Variants in MYT1L observed in about 807,000 individuals in gnomAD.
MYT1L encodes the protein myelin transcription factor 1 like.
A neutral mutation model predicts 126.7 loss-of-function variants in MYT1L; 12 were observed. That is an observed-to-expected ratio of 0.09 (90% CI 0.06 to 0.15). MYT1L has a LOEUF of 0.15. Ranked by LOEUF, MYT1L falls within the 10% of genes least tolerant of loss-of-function variation. MYT1L has a pLI of 1.00. For synonymous variants in MYT1L, 541 were observed against 604.2 expected (o/e 0.90, Z 1.53); for missense variants, 979 against 1,585.2 (o/e 0.62, Z 6.49).
At chr2:2,256,046 C>T (rs1020545612) in intron 2 of MYT1L, among the ~76,000 whole-genome samples, 13 of 152,180 alleles carry the variant, frequency 8.5e-5, no homozygotes, top group African/African-American at 3.1e-4. Context: ...AAGAGAAGGT[C>T]CACCTGACCT....
chr2:2,249,055 T>C (rs1056201650), intron 2 of MYT1L, among the ~76,000 whole-genome samples: 1 of 152,026 alleles, frequency 6.6e-6, no homozygotes, highest in African/African-American at 2.4e-5. Context: ...GGCATTCAAA[T>C]TGGAAAGGAA....
intron 5 of MYT1L, among the ~76,000 whole-genome samples, chr2:1,989,930 G>A (rs2061344200): frequency 1.3e-5 from 2 of 152,138 alleles, no homozygotes; most frequent in Non-Finnish European, 2.9e-5. Context: ...CCTGGGAGGC[G>A]GGGGTTGCAG....
At chr2:1,924,381 A>AT (rs1220404684) in intron 9 of MYT1L, among the ~76,000 whole-genome samples, 3 of 152,206 alleles carry the variant, frequency 2.0e-5, no homozygotes, top group Non-Finnish European at 4.4e-5. Context: ...GGTTAACTGC[A>AT]TGCCATTTTC....
intron 4 of MYT1L, among the ~76,000 whole-genome samples, chr2:2,036,556 AG>A (rs1221962708): frequency 1.3e-5 from 2 of 152,216 alleles, no homozygotes; most frequent in Non-Finnish European, 2.9e-5. Flanking sequence ...CCATCCACAC[AG>A]CTCCTCATGG....
chr2:1,984,499 G>T (rs951752691), intron 5 of MYT1L, among the ~76,000 whole-genome samples: 1 of 143,188 alleles, frequency 7.0e-6, no homozygotes, highest in African/African-American at 2.7e-5. Context: ...ACCTGGCCAA[G>T]AACTAATTTT....
intron 1 of MYT1L, among the ~76,000 whole-genome samples, chr2:2,305,623 A>G (rs777288293): frequency 6.6e-6 from 1 of 152,192 alleles, no homozygotes; most frequent in Non-Finnish European, 1.5e-5. Flanking sequence ...TGGGAAATTT[A>G]TAAAGAAAAG....
intron 18 of MYT1L, among the ~76,000 whole-genome samples, chr2:1,856,048 C>A (rs746601723): frequency 6.6e-6 from 1 of 152,186 alleles, no homozygotes; most frequent in Non-Finnish European, 1.5e-5. Flanking sequence ...TTACAGCCAA[C>A]GTGCAGAATT....
intron 1 of MYT1L, among the ~76,000 whole-genome samples, chr2:2,316,737 T>C (rs1318828388): frequency 6.6e-6 from 1 of 152,236 alleles, no homozygotes; most frequent in African/African-American, 2.4e-5. Context: ...AGAAAATAAC[T>C]TAAGGGAAAG....
intron 1 of MYT1L, among the ~76,000 whole-genome samples, chr2:2,293,760 G>T (rs1461271210): frequency 4.6e-5 from 7 of 152,130 alleles, no homozygotes; most frequent in African/African-American, 1.7e-4. Flanking sequence ...TGCAAGACCG[G>T]CCCCCTCCCT....
At chr2:2,257,263 C>A (rs889911836) in intron 2 of MYT1L, among the ~76,000 whole-genome samples, 2 of 152,172 alleles carry the variant, frequency 1.3e-5, no homozygotes, top group Admixed American at 6.5e-5. Flanking sequence ...CACACAGCCC[C>A]TGCAATTTGC....
At position 1,979,733 on chromosome 2, in the gene MYT1L, T is replaced by C. The variant is rs2149491747; in HGVS notation, c.45A>G (p.Lys15=). ...TEEKRHRTRS[K]GVRVPVEPAI... ...GAAGCGCGGACATACCTCGAACCCCTTTGGACCGCGTGCGATGCCGCTTCT... is the reference window on the plus strand; with the variant it reads ...GAAGCGCGGACATACCTCGAACCCCCTTGGACCGCGTGCGATGCCGCTTCT... Residue 15 remains lysine (K), a synonymous_variant, in exon 6 of 25, where the codon AAA becomes AAG. Transcript: ENST00000647738. The surrounding 1 kb of genome is among the most constrained non-coding windows in gnomAD (Gnocchi z 4.0). 6.2e-7 allele frequency: 1 copy of C among 1,613,982 alleles called. No homozygotes were observed. The highest frequency in any genetic ancestry group is 1.1e-5 in the South Asian group (1 of 91,078).
intron 1 of MYT1L, among the ~76,000 whole-genome samples, chr2:2,300,721 A>G (rs1266497009): frequency 6.6e-6 from 1 of 152,164 alleles, no homozygotes; most frequent in Non-Finnish European, 1.5e-5. Context: ...GACGTTCTCA[A>G]ATCCACGCGA....
At chr2:1,923,556 T>A (rs571228248) in intron 9 of MYT1L, among the ~76,000 whole-genome samples, 1 of 152,388 alleles carries the variant, frequency 6.6e-6, no homozygotes, top group South Asian at 2.1e-4. Context: ...ATTAATTTTG[T>A]ATTTTTCATA....
At chr2:2,040,794 T>C (rs1018291812) in intron 4 of MYT1L, among the ~76,000 whole-genome samples, 2 of 152,174 alleles carry the variant, frequency 1.3e-5, no homozygotes, top group African/African-American at 4.8e-5. Context: ...GTAGTTTTAT[T>C]AAGTGTATTT....
At chr2:2,181,628 CAG>C (rs1297613862) in intron 2 of MYT1L, among the ~76,000 whole-genome samples, 1 of 152,146 alleles carries the variant, frequency 6.6e-6, no homozygotes, top group African/African-American at 2.4e-5. Context: ...TCATCTGTGA[CAG>C]AGTTGACCAC....
intron 11 of MYT1L, among the ~76,000 whole-genome samples, chr2:1,915,656 C>T (rs781084208): frequency 2.0e-5 from 3 of 152,194 alleles, no homozygotes; most frequent in Admixed American, 6.5e-5. Context: ...CTGGGTGTCA[C>T]ATCGTGTGTT....
At chr2:2,006,616 A>G (rs1053906738) in intron 4 of MYT1L, among the ~76,000 whole-genome samples, 1 of 152,066 alleles carries the variant, frequency 6.6e-6, no homozygotes, top group Non-Finnish European at 1.5e-5. Flanking sequence ...CACTCTGTCA[A>G]TCAGGCTGGA....
chr2:1,830,849 G>T (rs1428549990), intron 21 of MYT1L, among the ~76,000 whole-genome samples: 1 of 152,112 alleles, frequency 6.6e-6, no homozygotes, highest in African/African-American at 2.4e-5. Flanking sequence ...TCCCTCACAG[G>T]ATCCTCCAAA....
chr2:1,820,041 C>G (rs976019765), intron 21 of MYT1L, among the ~76,000 whole-genome samples: 45 of 149,938 alleles, frequency 3.0e-4, no homozygotes, highest in Admixed American at 5.3e-4. Context: ...TGGGGGGGGG[C>G]CAGCGAGGAA....
Sources: allele counts gnomAD v4.1 joint callset (sites outside exome capture counted in the v4.1 genomes callset), GRCh38; gene constraint gnomAD v4.1.1; non-coding constraint Gnocchi (gnomAD v3.1); transcripts MANE v1.5; gene names NCBI Gene and HGNC (gene_info 2026-07-23, HGNC 2026-07-21).